The following SESN1 variants were observed in gnomAD, a reference collection of about 807,000 sequenced individuals.
SESN1 encodes sestrin 1, also known as sestrin-1.
SESN1 carries 30 observed loss-of-function variants against 59.3 expected under a neutral mutation model. The observed-to-expected ratio is 0.51, with a 90% CI of 0.38 to 0.69. SESN1 has a LOEUF of 0.69. SESN1 is among the 30% of genes least tolerant of loss of function. The pLI is 0.00. For synonymous variants in SESN1, 197 were observed against 219.9 expected (o/e 0.90, Z 0.92); for missense variants, 566 against 673.0 (o/e 0.84, Z 1.76).
At position 108,986,205 on chromosome 6, in the gene SESN1, C is replaced by T. The variant is rs765459565; in HGVS notation, c.*1339G>A. ...TAATTCTTAAAATTCTATTGGAACTCTAAAACAGTTGAAAAGAGAGCAGGC... is the reference window on the plus strand; with the variant it reads ...TAATTCTTAAAATTCTATTGGAACTTTAAAACAGTTGAAAAGAGAGCAGGC... On this transcript the variant is annotated 3_prime_UTR_variant, in exon 10 of 10. Coordinates refer to ENST00000436639, the MANE Select transcript of SESN1 (RefSeq NM_014454.3). Among the ~76,000 whole-genome samples the T allele has an allele frequency of 9.9e-5, 15 of 152,134 alleles. No individual in the cohort carries two copies. Among genetic ancestry groups the T allele is most frequent in the Non-Finnish European group, 1.6e-4 (11 of 68,040 alleles).
At chr6:109,004,767 A>C (rs746066140) in intron 1 of SESN1, among the ~76,000 whole-genome samples, 8 of 149,224 alleles carry the variant, frequency 5.4e-5, no homozygotes, top group Non-Finnish European at 8.9e-5. Flanking sequence ...AACACAGTTC[A>C]AGGAAAAGAA....
intron 1 of SESN1, among the ~76,000 whole-genome samples, chr6:109,072,446 C>G (rs1431949673): frequency 1.3e-5 from 2 of 152,134 alleles, no homozygotes; most frequent in Non-Finnish European, 2.9e-5. Flanking sequence ...TATAATTTCC[C>G]CAAGTCGCAT....
chr6:109,054,870 C>T (rs1056938754), intron 1 of SESN1, among the ~76,000 whole-genome samples: 9 of 152,154 alleles, frequency 5.9e-5, no homozygotes, highest in Non-Finnish European at 1.0e-4. Context: ...TCAAAACTAT[C>T]TTTTCCATTA....
chr6:108,997,262 C>T (rs776665550), intron 5 of SESN1, among the ~76,000 whole-genome samples: 22 of 152,246 alleles, frequency 1.4e-4, no homozygotes, highest in Non-Finnish European at 4.4e-5. Context: ...GAACTAGAAA[C>T]AATCAAGTAC....
At chr6:109,068,873 A>G (rs1305970856) in intron 1 of SESN1, among the ~76,000 whole-genome samples, 2 of 152,000 alleles carry the variant, frequency 1.3e-5, no homozygotes, top group Admixed American at 1.3e-4. Context: ...GGCACCTACC[A>G]CCATGCCTAG....
At chr6:109,043,310 T>TA (rs2114420435) in intron 1 of SESN1, among the ~76,000 whole-genome samples, 1 of 152,172 alleles carries the variant, frequency 6.6e-6, no homozygotes, top group South Asian at 2.1e-4. Context: ...TCACCACTCT[T>TA]ACACAACATA....
chr6:109,017,380 G>A (rs965975189), intron 1 of SESN1, among the ~76,000 whole-genome samples: 20 of 152,042 alleles, frequency 1.3e-4, no homozygotes, highest in African/African-American at 4.6e-4. Context: ...CCACTGCCCG[G>A]GTTCACACCA....
chr6:109,052,199 C>CA, intron 1 of SESN1, among the ~76,000 whole-genome samples: 1 of 152,284 alleles, frequency 6.6e-6, no homozygotes, highest in East Asian at 1.9e-4. Flanking sequence ...ATCCTCTTAG[C>CA]CTAAAACAGT....
chr6:108,991,073 A>AAAC (rs113243855), intron 7 of SESN1, among the ~76,000 whole-genome samples: 10,976 of 150,016 alleles, frequency 0.073, 959 homozygotes, highest in African/African-American at 0.21. Flanking sequence ...TCTCAAAAAA[A>AAAC]AACAACAACA....
chr6:109,000,137 AG>A (rs896167659), intron 4 of SESN1: 11 of 160,824 alleles, frequency 6.8e-5, no homozygotes, highest in Admixed American at 2.0e-4. Context: ...GTTTAGGGGA[AG>A]GGGAAAGGGG....
chr6:109,046,116 T>TCTCCCC (rs988714044), intron 1 of SESN1, among the ~76,000 whole-genome samples: 2 of 151,940 alleles, frequency 1.3e-5, no homozygotes, highest in African/African-American at 4.8e-5. Context: ...TCCCTCTCCC[T>TCTCCCC]CTCCCCACGG....
chr6:109,009,337 G>A, intron 1 of SESN1: 1 of 1,465,496 alleles, frequency 6.8e-7, no homozygotes, highest in Non-Finnish European at 9.0e-7. Flanking sequence ...CCAGCGGCCC[G>A]CTCAGCCCCT....
At chr6:109,051,534 A>G (rs375356493) in intron 1 of SESN1, among the ~76,000 whole-genome samples, 4 of 152,308 alleles carry the variant, frequency 2.6e-5, no homozygotes, top group East Asian at 1.9e-4. Context: ...GAGGTCAAAG[A>G]TGGGGTTCTA....
chr6:108,991,930 CTTAA>C (rs1476093573), intron 7 of SESN1, among the ~76,000 whole-genome samples: 1 of 152,168 alleles, frequency 6.6e-6, no homozygotes, highest in African/African-American at 2.4e-5. Flanking sequence ...TCAACCTAAG[CTTAA>C]TTATTGTCTA....
chr6:109,034,040 C>T (rs1780220706), intron 1 of SESN1, among the ~76,000 whole-genome samples: 1 of 152,168 alleles, frequency 6.6e-6, no homozygotes, highest in South Asian at 2.1e-4. Flanking sequence ...CTTAGAGAGC[C>T]ACAGGATTAC....
chr6:109,082,836 C>T (rs532616031), intron 1 of SESN1, among the ~76,000 whole-genome samples: 4 of 152,288 alleles, frequency 2.6e-5, no homozygotes, highest in African/African-American at 4.8e-5. Flanking sequence ...AAAAATCAAG[C>T]GTATCCATTT....
Position 108,988,615 on chromosome 6 carries a change from AAC to A in SESN1, c.1495_1496del (p.Val499CysfsTer5). 6.2e-7 allele frequency: 1 copy of A among 1,613,250 alleles called. No individual in the cohort carries two copies. Among genetic ancestry groups the A allele is most frequent in the Non-Finnish European group, 8.5e-7 (1 of 1,179,506 alleles). ...TGGTAACCTTTTCAGGAGTGCAAACAACAGTTTTGATATAAACTTTAAAGCTA... is the reference window on the plus strand; with the variant it reads ...TGGTAACCTTTTCAGGAGTGCAAACAAGTTTTGATATAAACTTTAAAGCTA... ...DRSFKVYIKTVVCTPEKVTKR... is the reference protein window; with the variant it reads ...DRSFKVYIKTXVCTPEKVTKR... On this transcript the variant is annotated frameshift_variant, in exon 9 of 10. Transcript: ENST00000436639. LOFTEE classifies it high-confidence loss of function.
chr6:109,083,841 G>A (rs1781164731), intron 1 of SESN1, among the ~76,000 whole-genome samples: 1 of 152,174 alleles, frequency 6.6e-6, no homozygotes, highest in South Asian at 2.1e-4. Flanking sequence ...ATGTCTTGCT[G>A]TGTTTAGGCT....
intron 1 of SESN1, among the ~76,000 whole-genome samples, chr6:109,076,106 C>A (rs1781027647): frequency 6.6e-6 from 1 of 152,176 alleles, no homozygotes; most frequent in African/African-American, 2.4e-5. Context: ...GCTTCAGTGA[C>A]CAGACCAGAT....
Sources: gnomAD v4.1 joint callset for allele counts (sites outside exome capture counted in the v4.1 genomes callset) on GRCh38, gnomAD v4.1.1 for gene constraint, MANE v1.5 for transcripts, NCBI Gene and HGNC (gene_info 2026-07-23, HGNC 2026-07-21) for gene names.